The following MTUS2 variants were observed in gnomAD, a reference collection of about 807,000 sequenced individuals.
MTUS2 encodes microtubule associated scaffold protein 2, also known as microtubule-associated tumor suppressor candidate 2.
A neutral mutation model predicts 114.1 loss-of-function variants in MTUS2; 40 were observed. The observed-to-expected ratio is 0.35, with a 90% confidence interval of 0.27 to 0.46. The LOEUF (loss-of-function observed/expected upper bound fraction) is 0.46, where lower values mean the gene tolerates loss of function less well. MTUS2 is among the 20% of genes least tolerant of loss of function. The pLI is 1.00. For synonymous variants in MTUS2, 688 were observed against 672.0 expected, an observed-to-expected ratio of 1.02 and a Z score of -0.37; for missense variants, 1,679 against 1,705.4, an observed-to-expected ratio of 0.98 and a Z score of 0.27.
intron 2 of MTUS2, among the ~76,000 whole-genome samples, chr13:28,929,555 C>A (rs1881502881): frequency 6.6e-6 from 1 of 152,004 alleles, no homozygotes; most frequent in Admixed American, 6.6e-5. Context: ...TAGGAAGTGG[C>A]TGGAACCATG....
At chr13:28,846,072 A>ATATATG (rs1230095643) in intron 2 of MTUS2, among the ~76,000 whole-genome samples, 1 of 149,918 alleles carries the variant, frequency 6.7e-6, no homozygotes, top group Non-Finnish European at 1.5e-5. Context: ...ATATATATAT[A>ATATATG]TATTCCTCCT....
At chr13:29,482,612 T>TA (rs1881279375) in intron 10 of MTUS2, among the ~76,000 whole-genome samples, 1 of 152,194 alleles carries the variant, frequency 6.6e-6, no homozygotes, top group Non-Finnish European at 1.5e-5. Flanking sequence ...CAAGAGATAC[T>TA]AAGATTTATA....
chr13:28,980,579 G>A (rs1884315174), intron 2 of MTUS2, among the ~76,000 whole-genome samples: 1 of 152,176 alleles, frequency 6.6e-6, no homozygotes, highest in African/African-American at 2.4e-5. Flanking sequence ...TCAGAAAACA[G>A]GGAGCTGCTT....
At chr13:29,488,222 C>T (rs1881777194) in intron 11 of MTUS2, 1 of 557,060 alleles carries the variant, frequency 1.8e-6, no homozygotes, top group Admixed American at 3.1e-5. Flanking sequence ...TTATCCTCAA[C>T]CTTGATGAAT....
At chr13:29,311,340 T>C (rs1447945722) in intron 6 of MTUS2, among the ~76,000 whole-genome samples, 1 of 152,216 alleles carries the variant, frequency 6.6e-6, no homozygotes, top group Non-Finnish European at 1.5e-5. Context: ...TGGGTAACAA[T>C]TGCATGGATG....
At chr13:28,851,857 G>A (rs1178124408) in intron 2 of MTUS2, among the ~76,000 whole-genome samples, 20 of 152,164 alleles carry the variant, frequency 1.3e-4, no homozygotes, top group African/African-American at 9.7e-5. Context: ...TTCCTGGAGC[G>A]GGTGGCATTG....
intron 5 of MTUS2, among the ~76,000 whole-genome samples, chr13:29,208,876 C>G (rs945527575): frequency 6.6e-6 from 1 of 152,018 alleles, no homozygotes; most frequent in Non-Finnish European, 1.5e-5. Flanking sequence ...GAGAATGTTC[C>G]ATGTGCTGAT....
chr13:28,997,462 G>A lies in MTUS2; in HGVS notation c.-242-26995G>A, dbSNP rs191500590. On this transcript the variant is annotated intron_variant, in intron 2 of 15. Coordinates refer to ENST00000612955, the MANE Select transcript of MTUS2 (RefSeq NM_001033602.4). ...GATATCCTTGTTAACTCTCTGTCTC[G>A]TTGATCTGTCTAATGTTGACAGTGG... Among the ~76,000 whole-genome samples, 175 of 152,278 alleles carry A rather than the reference G, an allele frequency of 1.1e-3. 2 individuals are homozygous for A. The highest frequency in any genetic ancestry group is 2.3e-3 in the Admixed American group (35 of 15,296).
chr13:28,829,307 C>T (rs750985620), intron 1 of MTUS2, among the ~76,000 whole-genome samples: 5 of 152,062 alleles, frequency 3.3e-5, no homozygotes, highest in Non-Finnish European at 7.3e-5. Flanking sequence ...AGGTGGGTCA[C>T]CTGAGGTCAG....
intron 2 of MTUS2, among the ~76,000 whole-genome samples, chr13:28,945,190 T>TATATATATATATATATACACACAC (rs1566242156): frequency 6.7e-6 from 1 of 149,062 alleles, no homozygotes; most frequent in African/African-American, 2.6e-5. Context: ...TATATATATA[T>TATATATATATATATATACACACAC]ATATACACCA....
At position 28,911,421 on chromosome 13, in the gene MTUS2, G is replaced by A. The variant is rs558908381; in HGVS notation, c.-243+71571G>A. Among the ~76,000 whole-genome samples the A allele has an allele frequency of 1.1e-4, 16 of 151,116 alleles. No individual in the cohort carries two copies. In the East Asian group the frequency reaches 1.4e-3, roughly 13 times the overall value. Reference sequence around the variant, plus strand: ...CATCTCCTGACCTCGTGATCCACCCGCCTCAGCCTCCCGAAGTGCTGGGAT... The same window carrying A: ...CATCTCCTGACCTCGTGATCCACCCACCTCAGCCTCCCGAAGTGCTGGGAT... On this transcript the variant is annotated intron_variant, in intron 2 of 15. Coordinates refer to ENST00000612955, the MANE Select transcript of MTUS2 (RefSeq NM_001033602.4).
intron 4 of MTUS2, among the ~76,000 whole-genome samples, chr13:29,069,388 C>T (rs1337586693): frequency 6.6e-6 from 1 of 152,156 alleles, no homozygotes; most frequent in Non-Finnish European, 1.5e-5. Context: ...TCAGGTTGGG[C>T]AGAGTGTGAA....
intron 2 of MTUS2, among the ~76,000 whole-genome samples, chr13:28,911,174 T>C (rs1342793012): frequency 2.3e-5 from 1 of 43,822 alleles, no homozygotes; most frequent in African/African-American, 1.6e-4. Flanking sequence ...TGCGCCCTGC[T>C]TTTTTTTTTT....
intron 2 of MTUS2, among the ~76,000 whole-genome samples, chr13:28,901,090 A>C (rs879376534): frequency 2.6e-5 from 4 of 152,028 alleles, no homozygotes; most frequent in Non-Finnish European, 2.9e-5. Context: ...ATGGTATCTT[A>C]TTGTGATTTT....
chr13:28,935,909 G>A (rs1335252229), intron 2 of MTUS2, among the ~76,000 whole-genome samples: 1 of 152,026 alleles, frequency 6.6e-6, no homozygotes, highest in African/African-American at 2.4e-5. Flanking sequence ...ACCATATCTG[G>A]CTAATTTTTA....
At chr13:29,273,020 C>A (rs1897935169) in intron 5 of MTUS2, among the ~76,000 whole-genome samples, 1 of 152,160 alleles carries the variant, frequency 6.6e-6, no homozygotes, top group Non-Finnish European at 1.5e-5. Context: ...CAATATGAAG[C>A]CTCTTTGATA....
intron 9 of MTUS2, among the ~76,000 whole-genome samples, chr13:29,468,840 T>C (rs1284182234): frequency 6.6e-6 from 1 of 152,202 alleles, no homozygotes; most frequent in Non-Finnish European, 1.5e-5. Context: ...GGCATTGATA[T>C]TGCTATGAAT....
intron 9 of MTUS2, among the ~76,000 whole-genome samples, chr13:29,446,015 T>G (rs1254412689): frequency 6.6e-6 from 1 of 152,172 alleles, no homozygotes; most frequent in Non-Finnish European, 1.5e-5. Flanking sequence ...CTCTAATGAC[T>G]TGTTCCTTCT....
At chr13:29,277,382 G>A (rs1029519294) in intron 5 of MTUS2, among the ~76,000 whole-genome samples, 2 of 152,164 alleles carry the variant, frequency 1.3e-5, no homozygotes, top group Non-Finnish European at 2.9e-5. Context: ...CATTTTTCAT[G>A]GAACTTAACA....
Sources: allele counts gnomAD v4.1 joint callset (sites outside exome capture counted in the v4.1 genomes callset), GRCh38; gene constraint gnomAD v4.1.1; transcripts MANE v1.5; gene names NCBI Gene and HGNC (gene_info 2026-07-23, HGNC 2026-07-21).